Variants in PDCD11 observed in about 807,000 individuals in gnomAD.
PDCD11 encodes protein RRP5 homolog.
A neutral mutation model predicts 198.9 loss-of-function variants in PDCD11; 97 were observed. That is an observed-to-expected ratio of 0.49 (90% CI 0.41 to 0.58). The LOEUF (loss-of-function observed/expected upper bound fraction) is 0.58, where lower values mean the gene tolerates loss of function less well. Ranked by LOEUF, PDCD11 falls within the 20% of genes least tolerant of loss-of-function variation. The pLI, the probability that PDCD11 is intolerant of heterozygous loss-of-function variation, is 0.00. For missense variants in PDCD11, 2,102 were observed against 2,312.7 expected (o/e 0.91, Z 1.87); for synonymous variants, 893 against 918.0 (o/e 0.97, Z 0.49).
At position 103,400,373 on chromosome 10, in the gene PDCD11, T is replaced by G. The variant is rs747770567; in HGVS notation, c.103-24T>G. The G allele has an allele frequency of 1.9e-6, 3 of 1,597,406 alleles. No individual in the cohort carries two copies. The East Asian group carries it at 6.7e-5, about 36-fold the overall frequency. On this transcript the variant is annotated intron_variant, in intron 2 of 35. Coordinates refer to ENST00000369797, the MANE Select transcript of PDCD11 (RefSeq NM_014976.2). ...TGCTTCTTATTCTTTTGGGTCTTTG[T>G]GGGCTCCCCCTACCCGCTTCTAGAT...
At chr10:103,397,968 C>T (rs1411104727) in intron 1 of PDCD11, among the ~76,000 whole-genome samples, 5 of 152,200 alleles carry the variant, frequency 3.3e-5, no homozygotes, top group African/African-American at 4.8e-5. Context: ...TGAAGCTTGC[C>T]TCCTTTACTT....
chr10:103,414,026 A>C lies in PDCD11; in HGVS notation c.1246A>C (p.Thr416Pro). 1.2e-6 allele frequency: 2 copies of C among 1,613,662 alleles called. No individual in the cohort carries two copies. The highest frequency in any genetic ancestry group is 1.7e-6 in the Non-Finnish European group (2 of 1,179,836). ...TCCTGAGGCCTTCAAGCCAGGGAAC[A>C]CTCACAAGTGTAGAATTATTGACTA... The part of the protein sequence containing the change: ...FNPEAFKPGN[T>P]HKCRIIDYSQ... Residue 416 changes from threonine to proline, a missense_variant, in exon 10 of 36, where the codon ACT (threonine) becomes CCT (proline). Physicochemically the swap from Thr to Pro is conservative, Grantham distance 38. Coordinates refer to ENST00000369797, the MANE Select transcript of PDCD11 (RefSeq NM_014976.2).
chr10:103,409,312 C>CT (rs34592302), intron 7 of PDCD11, among the ~76,000 whole-genome samples: 20 of 141,452 alleles, frequency 1.4e-4, no homozygotes, highest in South Asian at 2.3e-4. Flanking sequence ...TTTGCAAGCC[C>CT]TTTTTTTTTT....
At position 103,418,305 on chromosome 10, in the gene PDCD11, G is replaced by A. The variant is rs556995235; in HGVS notation, c.1912-135G>A. On this transcript the variant is annotated intron_variant, in intron 14 of 35. Coordinates refer to ENST00000369797, the MANE Select transcript of PDCD11 (RefSeq NM_014976.2). The stretch of plus-strand genomic sequence containing the variant: ...GCATGCTGGGTGGTTGGGGTGGTGG[G>A]TGGGGTTTGGAAGAAAGCTGCCTCT... 3 of 698,194 alleles carry A rather than the reference G, an allele frequency of 4.3e-6. No individual in the cohort carries two copies. The South Asian group carries it at 5.5e-5, about 13-fold the overall frequency. 43.2% of individuals were successfully genotyped at this position (698,194 alleles called of 1,614,324 possible).
intron 33 of PDCD11, 106 bp downstream of exon 33, chr10:103,443,439 A>G (rs996628221): frequency 3.0e-6 from 3 of 1,016,922 alleles, no homozygotes; most frequent in South Asian, 1.9e-5. Flanking sequence ...TTGCCACCCA[A>G]CATCGGGGCC....
Position 103,434,849 on chromosome 10 carries a change from T to A in PDCD11, c.3719T>A (p.Val1240Glu). Residue 1240 changes from valine (V) to glutamate (E), a missense_variant, in exon 25 of 36, where the codon GTG (valine) becomes GAG (glutamate). Transcript: ENST00000369797. ...GTGGCCATGGGCCGAGTGGTGAAGG[T>A]GACTCCCAACGAGGGGCTGACCGTC... The part of the protein sequence containing the change: ...GEVAMGRVVK[V>E]TPNEGLTVSF... The A allele has an allele frequency of 6.2e-7, 1 of 1,612,800 alleles. No individual in the cohort carries two copies. The highest frequency in any genetic ancestry group is 8.5e-7 in the Non-Finnish European group (1 of 1,179,482).
At position 103,425,009 on chromosome 10, in the gene PDCD11, C is replaced by T. The variant is rs1334855957; in HGVS notation, c.2789C>T (p.Ala930Val). The T allele has an allele frequency of 4.3e-6, 7 of 1,614,172 alleles. No individual in the cohort carries two copies. The East Asian group carries it at 6.7e-5, about 15-fold the overall frequency. ...CTGAGGAAAGGCAGCGAACACCAGG[C>T]GATTGTGCAGCACTTGGAGAAGTCC... ...RKLRKGSEHQ[A>V]IVQHLEKSFA... The change falls in exon 20 of 36, where the codon GCG becomes GTG. Residue 930 changes from alanine to valine, a missense_variant. Physicochemically the swap from Ala to Val is moderately conservative, Grantham distance 64. Coordinates refer to ENST00000369797, the MANE Select transcript of PDCD11 (RefSeq NM_014976.2).
chr10:103,437,460 G>T (rs1381357655), intron 25 of PDCD11, among the ~76,000 whole-genome samples: 1 of 151,910 alleles, frequency 6.6e-6, no homozygotes, highest in African/African-American at 2.4e-5. Context: ...CCCTTGTTAG[G>T]TAAGAAGAGT....
chr10:103,414,366 C>G (rs774385489), intron 11 of PDCD11, 36 bp downstream of exon 11: 2 of 1,495,510 alleles, frequency 1.3e-6, no homozygotes, highest in East Asian at 4.5e-5. Flanking sequence ...TACTGCCTCA[C>G]CATCAGGCGT....
Position 103,440,523 on chromosome 10 carries a change from A to C in PDCD11, c.4382A>C (p.Gln1461Pro). Residue 1461 changes from glutamine to proline, a missense_variant, in exon 29 of 36, where the codon CAG becomes CCG. Coordinates refer to ENST00000369797, the MANE Select transcript of PDCD11 (RefSeq NM_014976.2). ...CCCAGCAAGGAGAAGCAACAGCCCC[A>C]GAAGCCACAGGCGCAGAAGCGGGGC... is the stretch of plus-strand genomic sequence containing the variant. ...EMPSKEKQQP[Q>P]KPQAQKRGGR... 1 of 1,613,530 alleles carries C rather than the reference A, an allele frequency of 6.2e-7. No homozygotes were observed. Among genetic ancestry groups the C allele is most frequent in the Non-Finnish European group, 8.5e-7 (1 of 1,179,996 alleles).
At chr10:103,406,458 A>T in intron 6 of PDCD11, 151 bp from the exon 7 acceptor site, 1 of 650,652 alleles carries the variant, frequency 1.5e-6, no homozygotes, top group Non-Finnish European at 2.6e-6. Context: ...TCCTTCTTGT[A>T]GTTGGCCCCT....
chr10:103,426,944 T>A (rs373086730), intron 20 of PDCD11, among the ~76,000 whole-genome samples: 43 of 145,268 alleles, frequency 3.0e-4, no homozygotes, highest in East Asian at 6.1e-4. Context: ...AAAAAATAAA[T>A]AAATAAAAAT....
rs1015877661 is a variant in PDCD11 at position 103,424,998 on chromosome 10, C to T, written c.2778C>T (p.Ser926=). The stretch of plus-strand genomic sequence containing the variant: ...CTCTCTTCTAGCTGAGGAAAGGCAG[C>T]GAACACCAGGCGATTGTGCAGCACT... The part of the protein sequence containing the change: ...NRKARKLRKG[S]EHQAIVQHLE... The change falls in exon 20 of 36, where the codon AGC becomes AGT. Residue 926 remains serine, a synonymous_variant. Transcript: ENST00000369797. 48 of 1,613,886 alleles carry T rather than the reference C, an allele frequency of 3.0e-5. No individual in the cohort carries two copies. Among genetic ancestry groups the T allele is most frequent in the Non-Finnish European group, 4.0e-5 (47 of 1,179,908 alleles).
chr10:103,444,599 G>C lies in PDCD11; in HGVS notation c.5361G>C (p.Thr1787=). ...GGGCCAAAGCCATTTTTGAGAACAC[G>C]CTGAGCACCTACCCAAAGCGCACAG... ...AERAKAIFEN[T]LSTYPKRTDV... The change falls in exon 35 of 36, where the codon ACG becomes ACC. Residue 1787 remains threonine (T), a synonymous_variant. Transcript: ENST00000369797. 1 of 1,614,172 alleles carries C rather than the reference G, an allele frequency of 6.2e-7. No individual in the cohort carries two copies. Among genetic ancestry groups the C allele is most frequent in the Non-Finnish European group, 8.5e-7 (1 of 1,180,012 alleles).
chr10:103,437,957 C>T (rs1205021863), intron 25 of PDCD11, 58 bp from the exon 26 acceptor site: 1 of 1,409,638 alleles, frequency 7.1e-7, no homozygotes, highest in Non-Finnish European at 1.0e-6. Flanking sequence ...AGCTGAGACC[C>T]TTTGCTGTTC....
intron 14 of PDCD11, 130 bp downstream of exon 14, chr10:103,418,062 G>C: frequency 1.0e-6 from 1 of 995,574 alleles, no homozygotes; most frequent in Non-Finnish European, 1.5e-6. Flanking sequence ...TGGGGCTAGA[G>C]GGGTTCATAC....
chr10:103,418,263 T>G (rs958461344), intron 14 of PDCD11, among the ~76,000 whole-genome samples, 177 bp from the exon 15 acceptor site: 8 of 151,944 alleles, frequency 5.3e-5, no homozygotes, highest in African/African-American at 1.9e-4. Flanking sequence ...TGAGTCCTGG[T>G]GAATGTGCAC....
chr10:103,425,639 T>A, intron 20 of PDCD11, 114 bp downstream of exon 20: 2 of 804,502 alleles, frequency 2.5e-6, no homozygotes, highest in South Asian at 1.8e-5. Context: ...CTCTTTTAGT[T>A]AACAAAAGGC....
intron 21 of PDCD11, 129 bp from the exon 22 acceptor site, chr10:103,432,000 G>T (rs1160685674): frequency 4.6e-6 from 3 of 648,362 alleles, no homozygotes; most frequent in Non-Finnish European, 2.8e-6. Flanking sequence ...GAGAGAAACG[G>T]CCTTGGAGGG....
Sources: gnomAD v4.1 joint callset for allele counts (sites outside exome capture counted in the v4.1 genomes callset) on GRCh38, gnomAD v4.1.1 for gene constraint, MANE v1.5 for transcripts, NCBI Gene and HGNC (gene_info 2026-07-23, HGNC 2026-07-21) for gene names.